SYNE1: variants seen among roughly 807,000 people sequenced by gnomAD.
SYNE1 encodes the protein nesprin-1.
A neutral mutation model predicts 1,111.0 loss-of-function variants in SYNE1; 616 were observed. That is an observed-to-expected ratio of 0.55 (90% CI 0.52 to 0.59). SYNE1 has a LOEUF of 0.59. Among genes scored for constraint, SYNE1 ranks in the 20% least tolerant of loss-of-function variants. The pLI is 0.00. For synonymous variants in SYNE1, 3,855 were observed against 3,825.8 expected, an observed-to-expected ratio of 1.01 and a Z score of -0.28; for missense variants, 10,006 against 10,417.0, an observed-to-expected ratio of 0.96 and a Z score of 1.72.
chr6:152,582,817 C>G (rs1293178548), intron 3 of SYNE1, among the ~76,000 whole-genome samples: 1 of 152,072 alleles, frequency 6.6e-6, no homozygotes, highest in Non-Finnish European at 1.5e-5. Flanking sequence ...AAAGAGTATA[C>G]TGGCCACTTA....
At chr6:152,375,257 A>G (rs1563494801) in intron 58 of SYNE1, among the ~76,000 whole-genome samples, 1 of 152,166 alleles carries the variant, frequency 6.6e-6, no homozygotes, top group Non-Finnish European at 1.5e-5. Flanking sequence ...AGAATTTTAA[A>G]TGGAGCAAAT....
At chr6:152,623,700 C>CA (rs1465413830) in intron 3 of SYNE1, among the ~76,000 whole-genome samples, 6 of 151,834 alleles carry the variant, frequency 4.0e-5, no homozygotes, top group African/African-American at 1.5e-4. Context: ...AAAAAGTGGG[C>CA]AAAAAACATG....
chr6:152,308,656 AAGAT>A (rs748170144), intron 90 of SYNE1, 24 bp from the exon 91 acceptor site: 38 of 1,589,168 alleles, frequency 2.4e-5, no homozygotes, highest in African/African-American at 6.8e-5. Flanking sequence ...AAAAAACAGA[AAGAT>A]AGACAGTTTT....
At chr6:152,353,212 C>T in intron 69 of SYNE1, 51 bp downstream of exon 69, 1 of 1,605,822 alleles carries the variant, frequency 6.2e-7, no homozygotes, top group Non-Finnish European at 8.5e-7. Flanking sequence ...GAGAATGGGG[C>T]AGCTTGGTGA....
intron 46 of SYNE1, among the ~76,000 whole-genome samples, chr6:152,402,876 T>C (rs894941392): frequency 4.6e-5 from 7 of 152,124 alleles, no homozygotes; most frequent in African/African-American, 1.7e-4. Context: ...CTGTTAACCA[T>C]TGATATCCCC....
chr6:152,391,904 C>T (rs2097648083), intron 51 of SYNE1, among the ~76,000 whole-genome samples: 1 of 152,332 alleles, frequency 6.6e-6, no homozygotes, highest in East Asian at 1.9e-4. Flanking sequence ...TCCGTAGCAT[C>T]TCTGCATTCC....
At chr6:152,228,406 C>T (rs1462971000) in intron 115 of SYNE1, among the ~76,000 whole-genome samples, 1 of 151,700 alleles carries the variant, frequency 6.6e-6, no homozygotes, top group Non-Finnish European at 1.5e-5. Context: ...CTTGGTAAAA[C>T]ATGGTCAAGC....
At chr6:152,511,798 T>C (rs1221182401) in intron 6 of SYNE1, among the ~76,000 whole-genome samples, 1 of 152,162 alleles carries the variant, frequency 6.6e-6, no homozygotes, top group Non-Finnish European at 1.5e-5. Context: ...GGTGATGACA[T>C]ATAAAGCATT....
intron 75 of SYNE1, among the ~76,000 whole-genome samples, chr6:152,338,183 G>A (rs925589571): frequency 1.3e-5 from 2 of 152,018 alleles, no homozygotes; most frequent in Non-Finnish European, 1.5e-5. Flanking sequence ...GGGTTACATC[G>A]TCTTTTGTAA....
chr6:152,318,387 C>A (rs906310166), intron 85 of SYNE1, 124 bp from the exon 86 acceptor site: 1 of 1,071,612 alleles, frequency 9.3e-7, no homozygotes, highest in African/African-American at 1.6e-5. Flanking sequence ...TATAATTCTA[C>A]TATGATCAGG....
chr6:152,125,441 A>G (rs2053063895), intron 145 of SYNE1: 4 of 1,436,134 alleles, frequency 2.8e-6, no homozygotes, highest in Non-Finnish European at 3.7e-6. Flanking sequence ...TTACATGACC[A>G]TGGGCAAGTA....
intron 127 of SYNE1, among the ~76,000 whole-genome samples, chr6:152,193,427 C>T (rs1470542920): frequency 1.3e-5 from 2 of 152,194 alleles, no homozygotes; most frequent in Non-Finnish European, 2.9e-5. Flanking sequence ...AAGCAATTCT[C>T]ATGCTTCAGC....
At chr6:152,373,001 A>C (rs768391279) in intron 59 of SYNE1, 36 bp downstream of exon 59, 3 of 1,600,528 alleles carry the variant, frequency 1.9e-6, no homozygotes, top group Admixed American at 3.3e-5. Context: ...AATAACAAAT[A>C]ACACAGAATG....
chr6:152,148,167 C>T lies in SYNE1; in HGVS notation c.24854G>A (p.Trp8285Ter). ...PASVDSIPLE[W>*]DHDYDLSRDL... ...CCGACTGAGGTCATAGTCGTGATCC[C>T]ACTCCAGGGGGATGGAGTCCACACT... Residue 8285 changes from tryptophan to a stop codon, truncating the protein, a stop_gained, in exon 137 of 146, where the codon TGG becomes TAG. Coordinates refer to ENST00000367255, the MANE Select transcript of SYNE1 (RefSeq NM_182961.4). LOFTEE classifies it high-confidence loss of function. This position sits in a 1 kb window ranked among gnomAD's most constrained non-coding sequence, Gnocchi z 4.1. 1.2e-6 allele frequency: 2 copies of T among 1,614,188 alleles called. No individual in the cohort carries two copies. The highest frequency in any genetic ancestry group is 1.7e-6 in the Non-Finnish European group (2 of 1,180,026).
At chr6:152,363,712 A>G (rs763535415) in intron 63 of SYNE1, 3 of 454,542 alleles carry the variant, frequency 6.6e-6, no homozygotes, top group Non-Finnish European at 1.3e-5. Flanking sequence ...TAGCTTGAAG[A>G]CATTCTCTAG....
Position 152,484,914 on chromosome 6 carries a change from A to G in SYNE1, c.1106T>C (p.Ile369Thr), listed in dbSNP as rs780316397. ...TTTACCGTCTCTGTGTAATGGTTGT[A>G]TTAAATGTTCAATCTGTTTCCTCTT... ...EMKRKQIEHLIQPLHRDGKLS... is the reference protein window; with the variant it reads ...EMKRKQIEHLTQPLHRDGKLS... Residue 369 changes from isoleucine (I) to threonine (T), a missense_variant, in exon 13 of 146, where the codon ATA becomes ACA. By Grantham distance (89) the Ile-to-Thr change is moderately conservative (BLOSUM62 -1). Transcript: ENST00000367255. 6.2e-7 allele frequency: 1 copy of G among 1,613,774 alleles called. No individual in the cohort carries two copies. The highest frequency in any genetic ancestry group is 1.1e-5 in the South Asian group (1 of 91,038).
At position 152,224,388 on chromosome 6, in the gene SYNE1, C is replaced by T. The variant is rs1482373234; in HGVS notation, c.21522+106G>A. Reference sequence around the variant, plus strand: ...TTAAAGATCTTAAAAAATAATTAAACGTAAACAACATATGGCAATATTTCA... The same window carrying T: ...TTAAAGATCTTAAAAAATAATTAAATGTAAACAACATATGGCAATATTTCA... On this transcript the variant is annotated intron_variant, in intron 117 of 145. Coordinates refer to ENST00000367255, the MANE Select transcript of SYNE1 (RefSeq NM_182961.4). The T allele has an allele frequency of 1.4e-5, 15 of 1,039,160 alleles. No individual in the cohort carries two copies. The Middle Eastern group carries it at 6.3e-4, about 44-fold the overall frequency. 64.4% of individuals were successfully genotyped at this position (1,039,160 alleles called of 1,614,324 possible). A position where few individuals can be genotyped will look rare whatever the true frequency, so the allele number is the denominator to read the frequency against.
chr6:152,503,686 G>T (rs1057331087), intron 9 of SYNE1, among the ~76,000 whole-genome samples: 11 of 152,114 alleles, frequency 7.2e-5, no homozygotes, highest in African/African-American at 2.7e-4. Flanking sequence ...GCAATATAGG[G>T]TTTAAAGAGT....
At chr6:152,164,792 C>T (rs896058072) in intron 130 of SYNE1, among the ~76,000 whole-genome samples, 1 of 152,150 alleles carries the variant, frequency 6.6e-6, no homozygotes, top group Admixed American at 6.5e-5. Flanking sequence ...TTAAAAATTG[C>T]TGCTACCTTT....
Sources: gnomAD v4.1 joint callset for allele counts (sites outside exome capture counted in the v4.1 genomes callset) on GRCh38, gnomAD v4.1.1 for gene constraint, Gnocchi (gnomAD v3.1) non-coding constraint, MANE v1.5 for transcripts, NCBI Gene and HGNC (gene_info 2026-07-23, HGNC 2026-07-21) for gene names.